DCPS: variants seen among roughly 807,000 people sequenced by gnomAD.
DCPS encodes decapping enzyme, scavenger.
In DCPS, 27 loss-of-function variants were observed where a neutral mutation model predicts 34.7. The observed-to-expected ratio is 0.78, with a 90% CI of 0.57 to 1.07. The LOEUF is 1.07. DCPS is among the 50% of genes least tolerant of loss of function. The pLI, the probability that DCPS is intolerant of heterozygous loss-of-function variation, is 0.00. For synonymous variants in DCPS, 185 were observed against 185.7 expected, an observed-to-expected ratio of 1.00 and a Z score of 0.03; for missense variants, 464 against 436.9, an observed-to-expected ratio of 1.06 and a Z score of -0.55.
intron 2 of DCPS, among the ~76,000 whole-genome samples, chr11:126,311,143 A>G (rs1951616185): frequency 6.6e-6 from 1 of 152,210 alleles, no homozygotes; most frequent in Admixed American, 6.5e-5. Context: ...TGTCCATCCC[A>G]ACGACATAAT....
Position 126,344,644 on chromosome 11 carries a change from A to T in DCPS, c.748-703A>T, listed in dbSNP as rs1206436548. Among the ~76,000 whole-genome samples, 1 of 152,122 alleles carries T rather than the reference A, an allele frequency of 6.6e-6. No homozygotes were observed. Among genetic ancestry groups the T allele is most frequent in the African/African-American group, 2.4e-5 (1 of 41,428 alleles). On this transcript the variant is annotated intron_variant, in intron 5 of 5. Transcript: ENST00000263579. The surrounding 1 kb of genome is among the most constrained non-coding windows in gnomAD (Gnocchi z 8.1). Reference sequence around the variant, plus strand: ...CCTCAGGGATTTGCCCACAATGGAGATGAGAGTCTCCGCTTAATTCTATGC... The same window carrying T: ...CCTCAGGGATTTGCCCACAATGGAGTTGAGAGTCTCCGCTTAATTCTATGC...
In DCPS at chr11:126,345,385, T is replaced by C. The variant is rs765640045; in HGVS notation, c.786T>C (p.His262=). The change falls in exon 6 of 6, where the codon CAT becomes CAC. Residue 262 remains histidine, a synonymous_variant. Coordinates refer to ENST00000263579, the MANE Select transcript of DCPS (RefSeq NM_014026.6). This position sits in a 1 kb window ranked among gnomAD's most constrained non-coding sequence, Gnocchi z 7.4. ...AGCGCTACCGGATGAAGGGAGACCA[T>C]CTGCGAGTATACCTGCACTACCTGC... ...ILQRYRMKGD[H]LRVYLHYLPS... 3 of 1,614,148 alleles carry C rather than the reference T, an allele frequency of 1.9e-6. No homozygotes were observed. The highest frequency in any genetic ancestry group is 4.5e-5 in the East Asian group (2 of 44,892).
intron 2 of DCPS, among the ~76,000 whole-genome samples, chr11:126,314,380 C>T (rs1017958632): frequency 1.3e-5 from 2 of 152,170 alleles, no homozygotes; most frequent in Admixed American, 6.5e-5. Flanking sequence ...AACACTTCTA[C>T]ACTGTTGGTG....
chr11:126,321,184 G>A (rs530990592), intron 2 of DCPS, among the ~76,000 whole-genome samples: 1 of 151,478 alleles, frequency 6.6e-6, no homozygotes, highest in East Asian at 1.9e-4. Flanking sequence ...GAGTCTGTTT[G>A]GCAGAGGTTG....
rs1951810743 is a variant in DCPS at position 126,333,891 on chromosome 11, C to CTCTA, written c.522+2342_522+2343insCTAT. On this transcript the variant is annotated intron_variant, in intron 3 of 5. Coordinates refer to ENST00000263579, the MANE Select transcript of DCPS (RefSeq NM_014026.6). The surrounding 1 kb of genome is among the most constrained non-coding windows in gnomAD (Gnocchi z 5.7). ...TCTCTCTCTCTCTCTCTCTCTCTCT[C>CTCTA]TGATATTTCTGACAACCATCAGATG... Among the ~76,000 whole-genome samples, 1 of 152,080 alleles carries CTCTA rather than the reference C, an allele frequency of 6.6e-6. No individual in the cohort carries two copies. The highest frequency in any genetic ancestry group is 2.1e-4 in the South Asian group (1 of 4,818).
rs892896082 is a variant in DCPS, at chr11:126,320,235, G to A, written c.377-11170G>A. 1.3e-5 allele frequency among the ~76,000 whole-genome samples: 2 copies of A among 152,066 alleles called. No homozygotes were observed. The highest frequency in any genetic ancestry group is 2.1e-4 in the South Asian group (1 of 4,832). ...TGTACTGTGAGGTCTAATCAGTGTC[G>A]GGTGTTATCTTAGGCACTGCACACA... On this transcript the variant is annotated intron_variant, in intron 2 of 5. Transcript: ENST00000263579. This position sits in a 1 kb window ranked among gnomAD's most constrained non-coding sequence, Gnocchi z 4.7.
At chr11:126,324,941 G>C (rs1437332464) in intron 2 of DCPS, among the ~76,000 whole-genome samples, 1 of 152,144 alleles carries the variant, frequency 6.6e-6, no homozygotes, top group African/African-American at 2.4e-5. Flanking sequence ...CCAGAATTTT[G>C]GGAGGCCGAA....
In DCPS at chr11:126,348,623, G is replaced by A. The variant is rs908668961; in HGVS notation, c.*3010G>A. On this transcript the variant is annotated 3_prime_UTR_variant, in exon 6 of 6. Coordinates refer to ENST00000263579, the MANE Select transcript of DCPS (RefSeq NM_014026.6). This position sits in a 1 kb window ranked among gnomAD's most constrained non-coding sequence, Gnocchi z 5.3. ...CAAAAGCATAGTCTGTCTTTATTAG[G>A]GTGACCTTCATATCAGACTCCCAGG... Among the ~76,000 whole-genome samples the A allele has an allele frequency of 6.6e-6, 1 of 152,152 alleles. No homozygotes were observed. Among genetic ancestry groups the A allele is most frequent in the Non-Finnish European group, 1.5e-5 (1 of 68,030 alleles).
rs1260722445 is a variant in DCPS at position 126,329,130 on chromosome 11, C to T, written c.377-2275C>T. ...TCAGTCTACTTCAAGCAGTCTCCCG[C>T]CTCTTGAGATCTTGGTGTGCCTGAC... On this transcript the variant is annotated intron_variant, in intron 2 of 5. Transcript: ENST00000263579. This position sits in a 1 kb window ranked among gnomAD's most constrained non-coding sequence, Gnocchi z 5.0. Among the ~76,000 whole-genome samples the T allele has an allele frequency of 6.6e-6, 1 of 152,184 alleles. No homozygotes were observed.
At position 126,332,829 on chromosome 11, in the gene DCPS, A is replaced by G. The variant is rs143112919; in HGVS notation, c.522+1279A>G. On this transcript the variant is annotated intron_variant, in intron 3 of 5. Coordinates refer to ENST00000263579, the MANE Select transcript of DCPS (RefSeq NM_014026.6). This position sits in a 1 kb window ranked among gnomAD's most constrained non-coding sequence, Gnocchi z 5.4. ...GTCCCAGCACTTGTTCTGTTTTCCA[A>G]GTGAAAAGGAACTATATCTCCACCT... Among the ~76,000 whole-genome samples the G allele has an allele frequency of 2.0e-5, 3 of 152,128 alleles. No individual in the cohort carries two copies. The highest frequency in any genetic ancestry group is 4.4e-5 in the Non-Finnish European group (3 of 68,018).
chr11:126,324,404 AC>A (rs1430549311), intron 2 of DCPS, among the ~76,000 whole-genome samples: 1 of 151,970 alleles, frequency 6.6e-6, no homozygotes, highest in Non-Finnish European at 1.5e-5. Flanking sequence ...TTTGAGAATT[AC>A]TTCTGGGGGT....
At chr11:126,308,887 A>C (rs1951595985) in intron 2 of DCPS, among the ~76,000 whole-genome samples, 1 of 152,086 alleles carries the variant, frequency 6.6e-6, no homozygotes, top group South Asian at 2.1e-4. Flanking sequence ...GTTTTTCCCA[A>C]GATAAGCACT....
At chr11:126,318,146 AGTCAGC>A (rs1366898474) in intron 2 of DCPS, among the ~76,000 whole-genome samples, 8 of 152,208 alleles carry the variant, frequency 5.3e-5, no homozygotes, top group African/African-American at 1.9e-4. Context: ...GTCTTGCTAA[AGTCAGC>A]GTCTGCCTCT....
rs559333898 is a variant in DCPS at position 126,347,062 on chromosome 11, G to A, written c.*1449G>A. On this transcript the variant is annotated 3_prime_UTR_variant, in exon 6 of 6. Transcript: ENST00000263579. The surrounding 1 kb of genome is among the most constrained non-coding windows in gnomAD (Gnocchi z 4.2). ...CCACCGCACTTTGGCCTGGGTGACA[G>A]AGCAAGACTCCCTCTCAGAAAAAAA... Among the ~76,000 whole-genome samples the A allele has an allele frequency of 6.6e-6, 1 of 151,536 alleles. No individual in the cohort carries two copies. The highest frequency in any genetic ancestry group is 6.6e-5 in the Admixed American group (1 of 15,242).
intron 2 of DCPS, among the ~76,000 whole-genome samples, chr11:126,321,903 C>T (rs1951709186): frequency 6.6e-6 from 1 of 151,892 alleles, no homozygotes; most frequent in African/African-American, 2.4e-5. Context: ...GTGAAGAAAA[C>T]TTCCTTAAAA....
rs192166138 is a variant in DCPS at position 126,319,243 on chromosome 11, G to C, written c.377-12162G>C. Among the ~76,000 whole-genome samples, 120 of 152,074 alleles carry C rather than the reference G, an allele frequency of 7.9e-4. No homozygotes were observed. Among genetic ancestry groups the C allele is most frequent in the Non-Finnish European group, 1.3e-3 (88 of 67,974 alleles). Reference sequence around the variant, plus strand: ...AGAGCTGCTGCCCTGAACTCCACCAGGCCCCTCTTCTGGGACTTCCCCCTT... The same window carrying C: ...AGAGCTGCTGCCCTGAACTCCACCACGCCCCTCTTCTGGGACTTCCCCCTT... On this transcript the variant is annotated intron_variant, in intron 2 of 5. Coordinates refer to ENST00000263579, the MANE Select transcript of DCPS (RefSeq NM_014026.6). This position sits in a 1 kb window ranked among gnomAD's most constrained non-coding sequence, Gnocchi z 4.5.
rs904695410 is a variant in DCPS, at chr11:126,325,141, C to T, written c.377-6264C>T. 1.3e-5 allele frequency among the ~76,000 whole-genome samples: 2 copies of T among 151,942 alleles called. No individual in the cohort carries two copies. The highest frequency in any genetic ancestry group is 4.8e-5 in the African/African-American group (2 of 41,336). On this transcript the variant is annotated intron_variant, in intron 2 of 5. Coordinates refer to ENST00000263579, the MANE Select transcript of DCPS (RefSeq NM_014026.6). This position sits in a 1 kb window ranked among gnomAD's most constrained non-coding sequence, Gnocchi z 4.3. Reference sequence around the variant, plus strand: ...GGTGGAGGTTGCAGTGAGCCAAGATCGTGCCATTGCACTCCAGCCTGGGAG... The same window carrying T: ...GGTGGAGGTTGCAGTGAGCCAAGATTGTGCCATTGCACTCCAGCCTGGGAG...
Position 126,315,993 on chromosome 11 carries a change from G to A in DCPS, c.376+9249G>A, listed in dbSNP as rs1951654166. 1.3e-5 allele frequency among the ~76,000 whole-genome samples: 2 copies of A among 152,124 alleles called. No homozygotes were observed. Among genetic ancestry groups the A allele is most frequent in the Admixed American group, 1.3e-4 (2 of 15,280 alleles). ...CTTTCAAAGTGCTGGGATTACAGATGTGAGTCACCACGCCTGGCTGGAGAG... is the reference window on the plus strand; with the variant it reads ...CTTTCAAAGTGCTGGGATTACAGATATGAGTCACCACGCCTGGCTGGAGAG... On this transcript the variant is annotated intron_variant, in intron 2 of 5. Transcript: ENST00000263579. The surrounding 1 kb of genome is among the most constrained non-coding windows in gnomAD (Gnocchi z 6.1).
At chr11:126,317,861 T>C (rs769749282) in intron 2 of DCPS, among the ~76,000 whole-genome samples, 1 of 152,220 alleles carries the variant, frequency 6.6e-6, no homozygotes, top group Non-Finnish European at 1.5e-5. Flanking sequence ...TAGCTCTTGC[T>C]CTTCCTGTTC....
Sources: gnomAD v4.1 joint callset for allele counts (sites outside exome capture counted in the v4.1 genomes callset) on GRCh38, gnomAD v4.1.1 for gene constraint, Gnocchi (gnomAD v3.1) non-coding constraint, MANE v1.5 for transcripts, NCBI Gene and HGNC (gene_info 2026-07-23, HGNC 2026-07-21) for gene names.